DYNC2H1: variants seen among roughly 807,000 people sequenced by gnomAD.
DYNC2H1 encodes the protein cytoplasmic dynein 2 heavy chain 1.
In DYNC2H1, 410 loss-of-function variants were observed where a neutral mutation model predicts 570.0. That is an observed-to-expected ratio of 0.72 (90% CI 0.66 to 0.78). The LOEUF (loss-of-function observed/expected upper bound fraction) is 0.78. Ranked by LOEUF, DYNC2H1 falls within the 30% of genes least tolerant of loss-of-function variation. The pLI, the probability that DYNC2H1 is intolerant of heterozygous loss-of-function variation, is 0.00. For missense variants in DYNC2H1, 4,865 were observed against 5,046.4 expected, an observed-to-expected ratio of 0.96 and a Z score of 1.09; for synonymous variants, 1,688 against 1,677.6, an observed-to-expected ratio of 1.01 and a Z score of -0.15.
At chr11:103,172,316 C>T (rs931297446) in intron 34 of DYNC2H1, among the ~76,000 whole-genome samples, 34 of 152,078 alleles carry the variant, frequency 2.2e-4, no homozygotes, top group African/African-American at 8.2e-4. Context: ...AATCCTCTTC[C>T]CTGGGACCTT....
At position 103,205,534 on chromosome 11, in the gene DYNC2H1, G is replaced by T. The variant is rs779950629; in HGVS notation, c.8454+570G>T. Among the ~76,000 whole-genome samples, 12 of 152,162 alleles carry T rather than the reference G, an allele frequency of 7.9e-5. No individual in the cohort carries two copies. Among genetic ancestry groups the T allele is most frequent in the Non-Finnish European group, 1.2e-4 (8 of 68,026 alleles). On this transcript the variant is annotated intron_variant, in intron 52 of 88. Transcript: ENST00000375735. This position sits in a 1 kb window ranked among gnomAD's most constrained non-coding sequence, Gnocchi z 4.5. ...GTAAGGAGTGTAATTGGAGATAAAA[G>T]ACATGGTTTACAGATGAGGTAATAT...
intron 70 of DYNC2H1, among the ~76,000 whole-genome samples, chr11:103,276,451 T>C (rs1389990417): frequency 6.6e-6 from 1 of 152,104 alleles, no homozygotes; most frequent in Non-Finnish European, 1.5e-5. Context: ...CTGTTAAAAC[T>C]TGGTAGGAAG....
intron 88 of DYNC2H1, among the ~76,000 whole-genome samples, chr11:103,469,280 C>G (rs1591804011): frequency 6.6e-6 from 1 of 152,232 alleles, no homozygotes; most frequent in East Asian, 1.9e-4. Context: ...CTTTCAAAAC[C>G]ATTATTGAAA....
chr11:103,144,524 T>C (rs1340693019), intron 18 of DYNC2H1, among the ~76,000 whole-genome samples: 4 of 151,992 alleles, frequency 2.6e-5, no homozygotes, highest in African/African-American at 7.2e-5. Flanking sequence ...CAAATGAAAA[T>C]GGGAGGGCAA....
At chr11:103,115,584 G>C (rs1402612389) in intron 4 of DYNC2H1, among the ~76,000 whole-genome samples, 3 of 152,122 alleles carry the variant, frequency 2.0e-5, no homozygotes, top group Non-Finnish European at 2.9e-5. Flanking sequence ...GATCACTTGA[G>C]GTCAGGAGTT....
chr11:103,301,399 C>G (rs2135391996), intron 75 of DYNC2H1, among the ~76,000 whole-genome samples: 1 of 151,962 alleles, frequency 6.6e-6, no homozygotes, highest in South Asian at 2.1e-4. Flanking sequence ...TTTATTAAAT[C>G]AGACAATATA....
At position 103,187,597 on chromosome 11, in the gene DYNC2H1, T is replaced by C; in HGVS notation, c.7140+11T>C. The stretch of plus-strand genomic sequence containing the variant: ...GCATTCCTACAACAGGTAAGTCATA[T>C]TGCTTGAAGTGTTTTAATCTAATTG... On this transcript the variant is annotated intron_variant, in intron 43 of 88. Transcript: ENST00000375735. 6.2e-7 allele frequency: 1 copy of C among 1,609,972 alleles called. No individual in the cohort carries two copies. The highest frequency in any genetic ancestry group is 8.5e-7 in the Non-Finnish European group (1 of 1,178,494).
rs182256123 is a variant in DYNC2H1 at position 103,179,668 on chromosome 11, C to T, written c.6347+435C>T. 4.0e-5 allele frequency among the ~76,000 whole-genome samples: 6 copies of T among 151,722 alleles called. No individual in the cohort carries two copies. The East Asian group carries it at 1.2e-3, about 29-fold the overall frequency. The stretch of plus-strand genomic sequence containing the variant: ...GATTCACAGAATTTTAGGGCTAATT[C>T]AGGTTTATTAGGTCCAATGACCCAG... On this transcript the variant is annotated intron_variant, in intron 39 of 88. Coordinates refer to ENST00000375735, the MANE Select transcript of DYNC2H1 (RefSeq NM_001377.3).
chr11:103,114,649 T>C (rs1378593831), intron 3 of DYNC2H1, among the ~76,000 whole-genome samples: 1 of 152,232 alleles, frequency 6.6e-6, no homozygotes, highest in African/African-American at 2.4e-5. Context: ...TTAGTGAATA[T>C]TGAACCTTTG....
At chr11:103,378,445 C>A (rs536692756) in intron 83 of DYNC2H1, among the ~76,000 whole-genome samples, 117 of 152,268 alleles carry the variant, frequency 7.7e-4, no homozygotes, top group Non-Finnish European at 9.8e-4. Context: ...TCAAAATGAG[C>A]TAATTAGGGT....
intron 60 of DYNC2H1, among the ~76,000 whole-genome samples, chr11:103,233,617 A>G (rs925732732): frequency 2.0e-5 from 3 of 151,838 alleles, no homozygotes; most frequent in Admixed American, 1.3e-4. Context: ...AACACTGGAG[A>G]TGAAGGATAG....
intron 5 of DYNC2H1, among the ~76,000 whole-genome samples, chr11:103,117,334 T>G (rs1858461852): frequency 6.7e-6 from 1 of 149,846 alleles, no homozygotes; most frequent in Non-Finnish European, 1.5e-5. Context: ...AACGTGCAGG[T>G]TTGTTACATA....
At chr11:103,233,318 C>A (rs1170335866) in intron 60 of DYNC2H1, among the ~76,000 whole-genome samples, 1 of 150,512 alleles carries the variant, frequency 6.6e-6, no homozygotes, top group Admixed American at 6.6e-5. Context: ...ATGCTTGGCA[C>A]CACCCTGGGC....
At chr11:103,187,231 T>C in intron 42 of DYNC2H1, 109 bp from the exon 43 acceptor site, 3 of 1,448,490 alleles carry the variant, frequency 2.1e-6, no homozygotes, top group Non-Finnish European at 2.8e-6. Flanking sequence ...TATCATCATA[T>C]ACATTTTAGA....
intron 17 of DYNC2H1, 117 bp from the exon 18 acceptor site, chr11:103,143,151 C>A: frequency 9.8e-7 from 1 of 1,022,904 alleles, no homozygotes; most frequent in Non-Finnish European, 1.4e-6. Flanking sequence ...TAAATTGACA[C>A]TTGAATACCT....
Position 103,166,036 on chromosome 11 carries a change from C to A in DYNC2H1, c.4750C>A (p.Pro1584Thr). 1 of 1,524,944 alleles carries A rather than the reference C, an allele frequency of 6.6e-7. No individual in the cohort carries two copies. Among genetic ancestry groups the A allele is most frequent in the South Asian group, 1.3e-5 (1 of 77,102 alleles). The allele number at this position is 1,524,944 out of a possible 1,614,324, so 94.5% of individuals were successfully genotyped here. ...YTNIDTSSEDPGNTESGILEL... is the reference protein window; with the variant it reads ...YTNIDTSSEDTGNTESGILEL... ...TAACATTGATACAAGTTCTGAGGAT[C>A]CAGGGAATACTGGTATGGAAAAGAC... Residue 1584 changes from proline (P) to threonine (T), a missense_variant, in exon 31 of 89, where the codon CCA becomes ACA. Pro to Thr is a conservative substitution (Grantham distance 38). Around this residue, in one of 5 missense-constraint regions of DYNC2H1, gnomAD observed 1,936 missense variants for 1,962.1 expected, o/e 0.99. Coordinates refer to ENST00000375735, the MANE Select transcript of DYNC2H1 (RefSeq NM_001377.3).
At chr11:103,420,133 T>C (rs911732271) in intron 84 of DYNC2H1, among the ~76,000 whole-genome samples, 3 of 149,882 alleles carry the variant, frequency 2.0e-5, no homozygotes, top group Admixed American at 6.7e-5. Flanking sequence ...AATATGGGGC[T>C]ATGTAAAGAG....
At chr11:103,282,983 A>G (rs767812708) in intron 72 of DYNC2H1, 25 bp from the exon 73 acceptor site, 1 of 1,565,202 alleles carries the variant, frequency 6.4e-7, no homozygotes, top group Non-Finnish European at 8.7e-7. Flanking sequence ...AAGTATACTA[A>G]GGAAAATAAT....
At chr11:103,171,310 CAGTGGTGT>C (rs1861559543) in intron 34 of DYNC2H1, among the ~76,000 whole-genome samples, 1 of 151,846 alleles carries the variant, frequency 6.6e-6, no homozygotes, top group Non-Finnish European at 1.5e-5. Context: ...GGCTGGAGTG[CAGTGGTGT>C]GATCTTGGCT....
Sources: gnomAD v4.1 joint callset for allele counts (sites outside exome capture counted in the v4.1 genomes callset) on GRCh38, gnomAD v4.1.1 for gene constraint, gnomAD v4.1.1 regional missense constraint, Gnocchi (gnomAD v3.1) non-coding constraint, MANE v1.5 for transcripts, NCBI Gene and HGNC (gene_info 2026-07-23, HGNC 2026-07-21) for gene names.